Variants in TMEM174 observed in about 807,000 individuals in gnomAD.
The protein encoded by TMEM174 is transmembrane protein 174.
A neutral mutation model predicts 15.1 loss-of-function variants in TMEM174; 11 were observed. That is an observed-to-expected ratio of 0.73 (90% CI 0.46 to 1.20). The LOEUF is 1.20. Ranked by LOEUF, TMEM174 falls within the 50% of genes most tolerant of loss-of-function variation. The probability of loss-of-function intolerance (pLI) is 0.00; values close to 1 mark genes in which losing one functional copy is unlikely to be tolerated. For missense variants in TMEM174, 321 were observed against 303.6 expected (o/e 1.06, Z -0.43); for synonymous variants, 130 against 121.3 (o/e 1.07, Z -0.47).
At position 73,174,278 on chromosome 5, in the gene TMEM174, C is replaced by CCCA. The variant is rs1745029646; in HGVS notation, c.*114_*116dup. The CCCA allele has an allele frequency of 3.2e-6, 3 of 943,134 alleles. No homozygotes were observed. The East Asian group carries it at 7.4e-5, about 23-fold the overall frequency. The allele number at this position is 943,134 out of a possible 1,614,324, so 58.4% of individuals were successfully genotyped here. A position where few individuals can be genotyped will look rare whatever the true frequency, so the allele number is the denominator to read the frequency against. On this transcript the variant is annotated 3_prime_UTR_variant, in exon 2 of 2. Transcript: ENST00000296776. ...GTAACCTTCAGAAGTTACAGCAGCG[C>CCCA]CCAGGCAGCCTGACAGAGATCATTC... is the stretch of plus-strand genomic sequence containing the variant.
chr5:73,173,925 G>A (rs1366507753), intron 1 of TMEM174, 56 bp downstream of exon 1: 2 of 1,593,490 alleles, frequency 1.3e-6, no homozygotes, highest in Non-Finnish European at 8.6e-7. Flanking sequence ...GTCATGATCT[G>A]TGGCTGTTTG....
Position 73,174,276 on chromosome 5 carries a change from C to G in TMEM174, c.*111C>G, listed in dbSNP as rs755490927. The G allele has an allele frequency of 5.1e-6, 5 of 977,668 alleles. No individual in the cohort carries two copies. Among genetic ancestry groups the G allele is most frequent in the African/African-American group, 3.2e-5 (2 of 62,780 alleles). 60.6% of individuals were successfully genotyped at this position (977,668 alleles called of 1,614,324 possible). A position where few individuals can be genotyped will look rare whatever the true frequency, so the allele number is the denominator to read the frequency against. Reference sequence around the variant, plus strand: ...TTGTAACCTTCAGAAGTTACAGCAGCGCCCAGGCAGCCTGACAGAGATCAT... The same window carrying G: ...TTGTAACCTTCAGAAGTTACAGCAGGGCCCAGGCAGCCTGACAGAGATCAT... On this transcript the variant is annotated 3_prime_UTR_variant, in exon 2 of 2. Transcript: ENST00000296776.
chr5:73,175,095 G>A lies in TMEM174; in HGVS notation c.*930G>A, dbSNP rs964871405. On this transcript the variant is annotated 3_prime_UTR_variant, in exon 2 of 2. Transcript: ENST00000296776. ...ATGATATGATAGAAACAATCTTTAT[G>A]ACTAAAAGAAACTCATCTTCTTCAT... is the stretch of plus-strand genomic sequence containing the variant. 6.6e-6 allele frequency: 1 copy of A among 152,310 alleles called. No homozygotes were observed. The highest frequency in any genetic ancestry group is 2.4e-5 in the African/African-American group (1 of 41,446). The allele number at this position is 152,310 out of a possible 1,614,324, so 9.4% of individuals were successfully genotyped here.
Position 73,173,501 on chromosome 5 carries a change from C to G in TMEM174, c.258C>G (p.Ile86Met). Reference sequence around the variant, plus strand: ...TGCTGTCAGTTGGGGTGACATTCATCCTGATTGCTGTGTGCAAGTTCAAAA... The same window carrying G: ...TGCTGTCAGTTGGGGTGACATTCATGCTGATTGCTGTGTGCAAGTTCAAAA... The part of the protein sequence containing the change: ...PVLLSVGVTF[I>M]LIAVCKFKML... The change falls in exon 1 of 2, where the codon ATC becomes ATG. Residue 86 changes from isoleucine (I) to methionine (M), a missense_variant. Transcript: ENST00000296776. The G allele has an allele frequency of 1.2e-6, 2 of 1,614,232 alleles. No homozygotes were observed. The highest frequency in any genetic ancestry group is 2.2e-5 in the South Asian group (2 of 91,088).
At position 73,173,724 on chromosome 5, in the gene TMEM174, G is replaced by T; in HGVS notation, c.481G>T (p.Val161Leu). ...AAATACCAGCTACCTGCAGTCTGTGGTGAGCCCCTGCGGCCTCATAACCTC... is the reference window on the plus strand; with the variant it reads ...AAATACCAGCTACCTGCAGTCTGTGTTGAGCCCCTGCGGCCTCATAACCTC... ...GINTSYLQSV[V>L]SPCGLITSGG... Residue 161 changes from valine to leucine, a missense_variant, in exon 1 of 2, where the codon GTG (valine) becomes TTG (leucine). Coordinates refer to ENST00000296776, the MANE Select transcript of TMEM174 (RefSeq NM_153217.3). 3 of 1,614,194 alleles carry T rather than the reference G, an allele frequency of 1.9e-6. No homozygotes were observed. The highest frequency in any genetic ancestry group is 1.7e-6 in the Non-Finnish European group (2 of 1,180,046).
Position 73,174,827 on chromosome 5 carries a change from C to T in TMEM174, c.*662C>T, listed in dbSNP as rs535927968. On this transcript the variant is annotated 3_prime_UTR_variant, in exon 2 of 2. Coordinates refer to ENST00000296776, the MANE Select transcript of TMEM174 (RefSeq NM_153217.3). Reference sequence around the variant, plus strand: ...CACAAAATAGACCATAATAGGATAGCGCTGTGAATACATCCTTCCCGATCA... The same window carrying T: ...CACAAAATAGACCATAATAGGATAGTGCTGTGAATACATCCTTCCCGATCA... 1 of 152,386 alleles carries T rather than the reference C, an allele frequency of 6.6e-6. No homozygotes were observed. The highest frequency in any genetic ancestry group is 2.4e-5 in the African/African-American group (1 of 41,440). The allele number at this position is 152,386 out of a possible 1,614,324, so 9.4% of individuals were successfully genotyped here. A position where few individuals can be genotyped will look rare whatever the true frequency, so the allele number is the denominator to read the frequency against.
At position 73,174,181 on chromosome 5, in the gene TMEM174, A is replaced by G. The variant is rs1745027574; in HGVS notation, c.*16A>G. On this transcript the variant is annotated 3_prime_UTR_variant, in exon 2 of 2. Transcript: ENST00000296776. ...CCCTCGCTAGAGGCTATTCTGATAT[A>G]ATAACACAATGCTCAGCTCAGGGAG... The G allele has an allele frequency of 6.2e-7, 1 of 1,605,056 alleles. No homozygotes were observed. Among genetic ancestry groups the G allele is most frequent in the Non-Finnish European group, 8.5e-7 (1 of 1,171,742 alleles).
At position 73,174,153 on chromosome 5, in the gene TMEM174, T is replaced by C. The variant is rs1410308439; in HGVS notation, c.720T>C (p.Ser240=). The C allele has an allele frequency of 6.2e-7, 1 of 1,613,900 alleles. No homozygotes were observed. The highest frequency in any genetic ancestry group is 1.1e-5 in the South Asian group (1 of 91,070). ...FSPPPYEEIY[S]LPR is the part of the protein sequence containing the mutation. ...CTCCCCCTTATGAAGAAATATACTC[T>C]CTCCCTCGCTAGAGGCTATTCTGAT... is the stretch of plus-strand genomic sequence containing the variant. Residue 240 remains serine (S), a synonymous_variant, in exon 2 of 2, where the codon TCT becomes TCC. Coordinates refer to ENST00000296776, the MANE Select transcript of TMEM174 (RefSeq NM_153217.3).
At position 73,175,063 on chromosome 5, in the gene TMEM174, A is replaced by G. The variant is rs1745046210; in HGVS notation, c.*898A>G. The G allele has an allele frequency of 6.6e-6, 1 of 152,398 alleles. No individual in the cohort carries two copies. Among genetic ancestry groups the G allele is most frequent in the South Asian group, 2.1e-4 (1 of 4,832 alleles). The allele number at this position is 152,398 out of a possible 1,614,324, so 9.4% of individuals were successfully genotyped here. ...CAGAGCAGAGTTGCCATGTCAACAC[A>G]TGGGGAATGATATGATAGAAACAAT... is the stretch of plus-strand genomic sequence containing the variant. On this transcript the variant is annotated 3_prime_UTR_variant, in exon 2 of 2. Transcript: ENST00000296776.
rs374320523 is a variant in TMEM174 at position 73,173,342 on chromosome 5, T to C, written c.99T>C (p.Asp33=). 1 of 1,601,686 alleles carries C rather than the reference T, an allele frequency of 6.2e-7. No homozygotes were observed. The highest frequency in any genetic ancestry group is 8.5e-7 in the Non-Finnish European group (1 of 1,172,404). ...PSTADIQVSD[D]DKAGATLLFS... ...CCGCTGACATCCAGGTGTCCGATGA[T>C]GACAAGGCGGGGGCCACCTTGCTCT... The change falls in exon 1 of 2, where the codon GAT becomes GAC. Residue 33 remains aspartate (D), a synonymous_variant. Transcript: ENST00000296776.
chr5:73,173,735 C>T lies in TMEM174; in HGVS notation c.492C>T (p.Cys164=), dbSNP rs112035932. 4.9e-4 allele frequency: 792 copies of T among 1,614,156 alleles called. 1 individual carries two copies. The African/African-American group carries it at 7.7e-3, about 16-fold the overall frequency. Residue 164 remains cysteine (C), a synonymous_variant, in exon 1 of 2, where the codon TGC becomes TGT. Coordinates refer to ENST00000296776, the MANE Select transcript of TMEM174 (RefSeq NM_153217.3). ...ACCTGCAGTCTGTGGTGAGCCCCTG[C>T]GGCCTCATAACCTCTGGAGGGGCAG... ...TSYLQSVVSP[C]GLITSGGAAA... is the part of the protein sequence containing the mutation.
Position 73,173,736 on chromosome 5 carries a change from G to A in TMEM174, c.493G>A (p.Gly165Ser), listed in dbSNP as rs138671212. ...CCTGCAGTCTGTGGTGAGCCCCTGC[G>A]GCCTCATAACCTCTGGAGGGGCAGC... Reference protein sequence around the residue: ...SYLQSVVSPCGLITSGGAAAA... With the variant: ...SYLQSVVSPCSLITSGGAAAA... Residue 165 changes from glycine to serine, a missense_variant, in exon 1 of 2, where the codon GGC (glycine) becomes AGC (serine). Gly to Ser is a moderately conservative substitution (Grantham distance 56, BLOSUM62 0). Transcript: ENST00000296776. 75 of 1,614,114 alleles carry A rather than the reference G, an allele frequency of 4.6e-5. No homozygotes were observed. The Middle Eastern group carries it at 4.9e-4, about 11-fold the overall frequency.
chr5:73,173,364 C>T lies in TMEM174; in HGVS notation c.121C>T (p.Leu41Phe), dbSNP rs756012178. ...TGATGACAAGGCGGGGGCCACCTTGCTCTTCTCAGGCATCTTTCTGGGACT... is the reference window on the plus strand; with the variant it reads ...TGATGACAAGGCGGGGGCCACCTTGTTCTTCTCAGGCATCTTTCTGGGACT... ...SDDDKAGATL[L>F]FSGIFLGLVG... The change falls in exon 1 of 2, where the codon CTC (leucine) becomes TTC (phenylalanine). Residue 41 changes from leucine (L) to phenylalanine (F), a missense_variant. Transcript: ENST00000296776. 6.2e-7 allele frequency: 1 copy of T among 1,608,974 alleles called. No individual in the cohort carries two copies. The highest frequency in any genetic ancestry group is 2.2e-5 in the East Asian group (1 of 44,744).
At position 73,173,350 on chromosome 5, in the gene TMEM174, C is replaced by T. The variant is rs145426839; in HGVS notation, c.107C>T (p.Ala36Val). Reference sequence around the variant, plus strand: ...ATCCAGGTGTCCGATGATGACAAGGCGGGGGCCACCTTGCTCTTCTCAGGC... The same window carrying T: ...ATCCAGGTGTCCGATGATGACAAGGTGGGGGCCACCTTGCTCTTCTCAGGC... ...ADIQVSDDDK[A>V]GATLLFSGIF... Residue 36 changes from alanine (A) to valine (V), a missense_variant, in exon 1 of 2, where the codon GCG (alanine) becomes GTG (valine). Ala to Val is a moderately conservative substitution (Grantham distance 64). Coordinates refer to ENST00000296776, the MANE Select transcript of TMEM174 (RefSeq NM_153217.3). 1.5e-5 allele frequency: 24 copies of T among 1,604,062 alleles called. No individual in the cohort carries two copies. The highest frequency in any genetic ancestry group is 2.7e-5 in the African/African-American group (2 of 74,866).
Position 73,174,308 on chromosome 5 carries a change from G to A in TMEM174, c.*143G>A, listed in dbSNP as rs1745031803. Reference sequence around the variant, plus strand: ...GCAGCCTGACAGAGATCATTCAAGGGGGGAAAGGGGAAGTGGGAGGTGCAA... The same window carrying A: ...GCAGCCTGACAGAGATCATTCAAGGAGGGAAAGGGGAAGTGGGAGGTGCAA... On this transcript the variant is annotated 3_prime_UTR_variant, in exon 2 of 2. Coordinates refer to ENST00000296776, the MANE Select transcript of TMEM174 (RefSeq NM_153217.3). 8.6e-6 allele frequency: 6 copies of A among 697,420 alleles called. No individual in the cohort carries two copies. Among genetic ancestry groups the A allele is most frequent in the Admixed American group, 5.6e-5 (2 of 35,988 alleles). The allele number at this position is 697,420 out of a possible 1,614,324, so 43.2% of individuals were successfully genotyped here. A position where few individuals can be genotyped will look rare whatever the true frequency, so the allele number is the denominator to read the frequency against.
chr5:73,174,933 T>C lies in TMEM174; in HGVS notation c.*768T>C, dbSNP rs1745044239. The C allele has an allele frequency of 6.6e-6, 1 of 152,382 alleles. No individual in the cohort carries two copies. The highest frequency in any genetic ancestry group is 1.5e-5 in the Non-Finnish European group (1 of 68,060). The allele number at this position is 152,382 out of a possible 1,614,324, so 9.4% of individuals were successfully genotyped here. On this transcript the variant is annotated 3_prime_UTR_variant, in exon 2 of 2. Coordinates refer to ENST00000296776, the MANE Select transcript of TMEM174 (RefSeq NM_153217.3). ...ACGTGTGATGAACATGGGTGGGCTC[T>C]TGGTCCACCCCAGGCTGGGGCCTGC... is the stretch of plus-strand genomic sequence containing the variant.
rs1561178932 is a variant in TMEM174, at chr5:73,173,300, T to A, written c.57T>A (p.Thr19=). 2 of 1,567,630 alleles carry A rather than the reference T, an allele frequency of 1.3e-6. No homozygotes were observed. The highest frequency in any genetic ancestry group is 1.4e-5 in the African/African-American group (1 of 73,978). ...EDFPVNVFSV[T]PYTPSTADIQ... ...TCCCTGTCAATGTGTTCTCCGTCAC[T>A]CCTTACACACCCAGCACCGCTGACA... The change falls in exon 1 of 2, where the codon ACT becomes ACA. Residue 19 remains threonine (T), a synonymous_variant. Coordinates refer to ENST00000296776, the MANE Select transcript of TMEM174 (RefSeq NM_153217.3).
chr5:73,173,270 G>T lies in TMEM174; in HGVS notation c.27G>T (p.Glu9Asp). The T allele has an allele frequency of 1.3e-6, 2 of 1,541,908 alleles. No individual in the cohort carries two copies. Among genetic ancestry groups the T allele is most frequent in the Non-Finnish European group, 1.7e-6 (2 of 1,142,974 alleles). ...TGGAGCAGGGCAGCGGCCGCTTGGA[G>T]GACTTCCCTGTCAATGTGTTCTCCG... Reference protein sequence around the residue: MEQGSGRLEDFPVNVFSVT... With the variant: MEQGSGRLDDFPVNVFSVT... The change falls in exon 1 of 2, where the codon GAG (glutamate) becomes GAT (aspartate). Residue 9 changes from glutamate (E) to aspartate (D), a missense_variant. Physicochemically the swap from Glu to Asp is conservative, Grantham distance 45. Transcript: ENST00000296776.
Position 73,173,826 on chromosome 5 carries a change from G to A in TMEM174, c.583G>A (p.Val195Ile). The A allele has an allele frequency of 6.2e-7, 1 of 1,614,000 alleles. No homozygotes were observed. ...IYPQDNSAFV[V>I]DEGCLSFTDG... ...CCCTCAAGATAACTCTGCATTTGTGGTTGATGAGGGCTGCCTTTCTTTCAC... is the reference window on the plus strand; with the variant it reads ...CCCTCAAGATAACTCTGCATTTGTGATTGATGAGGGCTGCCTTTCTTTCAC... The change falls in exon 1 of 2, where the codon GTT (valine) becomes ATT (isoleucine). Residue 195 changes from valine to isoleucine, a missense_variant. Physicochemically the swap from Val to Ile is conservative, Grantham distance 29. Transcript: ENST00000296776.
Sources: gnomAD v4.1 joint callset for allele counts on GRCh38, gnomAD v4.1.1 for gene constraint, MANE v1.5 for transcripts, NCBI Gene and HGNC (gene_info 2026-07-23, HGNC 2026-07-21) for gene names.